The following SNX29 variants were observed in gnomAD, a reference collection of about 807,000 sequenced individuals.
SNX29 encodes sorting nexin 29.
SNX29 carries 78 observed loss-of-function variants against 102.1 expected under a neutral mutation model. The ratio of observed to expected loss-of-function variants is 0.76; its 90% CI spans 0.64 to 0.92. SNX29 has a LOEUF of 0.92. SNX29 is among the 40% of genes least tolerant of loss of function. The probability of loss-of-function intolerance (pLI) is 0.00; values close to 1 mark genes in which losing one functional copy is unlikely to be tolerated. For missense variants in SNX29, 1,280 were observed against 1,061.7 expected (o/e 1.21, Z -2.86); for synonymous variants, 580 against 414.5 (o/e 1.40, Z -4.85).
intron 15 of SNX29, among the ~76,000 whole-genome samples, chr16:12,351,385 G>A (rs1199996102): frequency 8.3e-6 from 1 of 120,872 alleles, no homozygotes; most frequent in East Asian, 2.4e-4. Context: ...CTAAGGCATC[G>A]AAGTGAATAA....
intron 1 of SNX29, among the ~76,000 whole-genome samples, chr16:11,993,881 A>T (rs1310667176): frequency 6.6e-6 from 1 of 152,162 alleles, no homozygotes; most frequent in Non-Finnish European, 1.5e-5. Flanking sequence ...AACACTTTGG[A>T]AGGCCAAGGC....
chr16:12,497,214 C>A (rs1410138851), intron 19 of SNX29, among the ~76,000 whole-genome samples: 1 of 152,178 alleles, frequency 6.6e-6, no homozygotes, highest in Non-Finnish European at 1.5e-5. Context: ...GGCAGAAAGG[C>A]CCTGAAGTAA....
chr16:12,410,067 T>G (rs1418351323), intron 18 of SNX29, among the ~76,000 whole-genome samples: 1 of 152,068 alleles, frequency 6.6e-6, no homozygotes, highest in African/African-American at 2.4e-5. Flanking sequence ...CAATCTCGGT[T>G]CACTGCAAGC....
chr16:12,254,128 G>A (rs1236475478), intron 14 of SNX29, among the ~76,000 whole-genome samples: 1 of 152,154 alleles, frequency 6.6e-6, no homozygotes, highest in Non-Finnish European at 1.5e-5. Context: ...TTGGGTACAG[G>A]CATGTTGAGT....
intron 18 of SNX29, among the ~76,000 whole-genome samples, chr16:12,424,449 T>A (rs939970521): frequency 6.6e-5 from 10 of 152,200 alleles, no homozygotes; most frequent in Non-Finnish European, 1.5e-4. Context: ...GATGATAATA[T>A]TCTGTCTTAG....
At chr16:12,166,112 A>C (rs1177648691) in intron 13 of SNX29, among the ~76,000 whole-genome samples, 1 of 152,246 alleles carries the variant, frequency 6.6e-6, no homozygotes, top group African/African-American at 2.4e-5. Context: ...TCGTAATAAT[A>C]GTAGCAGCAG....
chr16:11,980,821 C>A (rs2055398253), intron 1 of SNX29, among the ~76,000 whole-genome samples: 1 of 152,072 alleles, frequency 6.6e-6, no homozygotes, highest in Non-Finnish European at 1.5e-5. Flanking sequence ...CTCTTCAGAT[C>A]CTTTGGCCAT....
At chr16:12,547,060 G>A (rs970498597) in intron 20 of SNX29, among the ~76,000 whole-genome samples, 4 of 152,194 alleles carry the variant, frequency 2.6e-5, no homozygotes, top group South Asian at 2.1e-4. Context: ...CACAGACATT[G>A]AATAGTGAGG....
intron 10 of SNX29, among the ~76,000 whole-genome samples, chr16:12,074,836 C>T (rs1199742690): frequency 6.6e-6 from 1 of 152,112 alleles, no homozygotes; most frequent in Non-Finnish European, 1.5e-5. Context: ...TCATATAGTC[C>T]CATATTTCTT....
rs561212411 is a variant in SNX29 at position 12,163,220 on chromosome 16, G to A, written c.1595+33462G>A. ...GATGGTAGATAGGAATGTCCTTTGC[G>A]GAGCCCCCAGGGTGAATTGGGTCAC... On this transcript the variant is annotated intron_variant, in intron 13 of 20. Coordinates refer to ENST00000566228, the MANE Select transcript of SNX29 (RefSeq NM_032167.5). Among the ~76,000 whole-genome samples the A allele has an allele frequency of 2.0e-5, 3 of 152,264 alleles. No individual in the cohort carries two copies. In the South Asian group the frequency reaches 6.2e-4, roughly 32 times the overall value.
chr16:12,222,060 C>T (rs997073567), intron 14 of SNX29, among the ~76,000 whole-genome samples: 4 of 152,198 alleles, frequency 2.6e-5, no homozygotes, highest in Admixed American at 6.5e-5. Context: ...AACTCCATGC[C>T]GGGCACTGTT....
At chr16:12,521,457 G>C (rs2090098796) in intron 19 of SNX29, among the ~76,000 whole-genome samples, 1 of 151,952 alleles carries the variant, frequency 6.6e-6, no homozygotes, top group South Asian at 2.1e-4. Flanking sequence ...CTTCATTTTG[G>C]GGGTGGGGGG....
chr16:12,551,187 A>G (rs1037516001), intron 20 of SNX29, among the ~76,000 whole-genome samples: 2 of 152,100 alleles, frequency 1.3e-5, no homozygotes, highest in Non-Finnish European at 2.9e-5. Context: ...AGACTTCCCC[A>G]CAGAGAGCCT....
intron 18 of SNX29, among the ~76,000 whole-genome samples, chr16:12,421,734 C>T (rs942527949): frequency 2.0e-5 from 3 of 152,172 alleles, no homozygotes; most frequent in African/African-American, 7.2e-5. Flanking sequence ...CCTCCTCAAT[C>T]AGAAGCATCA....
intron 13 of SNX29, among the ~76,000 whole-genome samples, chr16:12,153,467 A>G: frequency 6.7e-6 from 1 of 148,578 alleles, no homozygotes; most frequent in Non-Finnish European, 1.5e-5. Context: ...GTCTCAAAAA[A>G]AAAAACAAAA....
intron 16 of SNX29, among the ~76,000 whole-genome samples, chr16:12,359,441 T>G (rs1423766060): frequency 2.0e-5 from 3 of 152,254 alleles, no homozygotes; most frequent in Non-Finnish European, 1.5e-5. Flanking sequence ...GTTTCACATA[T>G]GACTTCTCAC....
chr16:12,512,496 C>T (rs191403188), intron 19 of SNX29, among the ~76,000 whole-genome samples: 3 of 149,356 alleles, frequency 2.0e-5, no homozygotes, highest in African/African-American at 4.9e-5. Flanking sequence ...TCACTGCAGC[C>T]TTGACCTCCC....
Position 12,134,852 on chromosome 16 carries a change from T to A in SNX29, c.1595+5094T>A, listed in dbSNP as rs150098430. ...CAGAGAAACAGACCAATAGGATGTA[T>A]GTATATCTCTAGAAAGGGGTTTATC... On this transcript the variant is annotated intron_variant, in intron 13 of 20. Transcript: ENST00000566228. Among the ~76,000 whole-genome samples the A allele has an allele frequency of 4.6e-5, 7 of 152,288 alleles. No individual in the cohort carries two copies. The East Asian group carries it at 1.2e-3, about 25-fold the overall frequency.
rs578260104 is a variant in SNX29, at chr16:12,037,892, C to T, written c.248-5005C>T. On this transcript the variant is annotated intron_variant, in intron 4 of 20. Coordinates refer to ENST00000566228, the MANE Select transcript of SNX29 (RefSeq NM_032167.5). The stretch of plus-strand genomic sequence containing the variant: ...ATCGCTTGAGCCCAGGAGTTCAAGA[C>T]TGCAGTAAACTATGATTGTGCCACT... 2.6e-5 allele frequency among the ~76,000 whole-genome samples: 4 copies of T among 152,180 alleles called. No individual in the cohort carries two copies. In the South Asian group the frequency reaches 8.3e-4, roughly 32 times the overall value.
Sources: gnomAD v4.1 joint callset for allele counts (sites outside exome capture counted in the v4.1 genomes callset) on GRCh38, gnomAD v4.1.1 for gene constraint, MANE v1.5 for transcripts, NCBI Gene and HGNC (gene_info 2026-07-23, HGNC 2026-07-21) for gene names.